The following RBFOX1 variants were observed in gnomAD, a reference collection of about 807,000 sequenced individuals.
RBFOX1 encodes RNA binding fox-1 homolog 1, also known as RNA binding protein fox-1 homolog 1.
A neutral mutation model predicts 57.7 loss-of-function variants in RBFOX1; 8 were observed. The observed-to-expected ratio is 0.14, with a 90% CI of 0.08 to 0.25. RBFOX1 has a LOEUF of 0.25. Ranked by LOEUF, RBFOX1 falls within the 10% of genes least tolerant of loss-of-function variation. The pLI, the probability that RBFOX1 is intolerant of heterozygous loss-of-function variation, is 1.00. For synonymous variants in RBFOX1, 326 were observed against 222.4 expected (o/e 1.47, Z -4.15); for missense variants, 611 against 548.5 (o/e 1.11, Z -1.14).
At chr16:7,526,465 T>C (rs1247212070) in intron 5 of RBFOX1, among the ~76,000 whole-genome samples, 2 of 152,180 alleles carry the variant, frequency 1.3e-5, no homozygotes, top group Non-Finnish European at 2.9e-5. Context: ...CTCTTATTTT[T>C]TCTATAACTC....
intron 4 of RBFOX1, among the ~76,000 whole-genome samples, chr16:5,974,072 T>C (rs1389723526): frequency 6.6e-6 from 1 of 152,208 alleles, no homozygotes; most frequent in African/African-American, 2.4e-5. Context: ...ATAATGCATA[T>C]GAAATGCAAT....
At chr16:7,345,882 G>A (rs1394711342) in intron 4 of RBFOX1, among the ~76,000 whole-genome samples, 3 of 151,952 alleles carry the variant, frequency 2.0e-5, no homozygotes, top group South Asian at 2.1e-4. Flanking sequence ...CAACGTGCAG[G>A]TTTGTTACAT....
chr16:7,034,912 G>C (rs770365029), intron 3 of RBFOX1, among the ~76,000 whole-genome samples: 23 of 128,666 alleles, frequency 1.8e-4, no homozygotes, highest in Non-Finnish European at 3.3e-4. Flanking sequence ...GCAGTGGCGT[G>C]ATCTCTGTTC....
chr16:6,625,343 C>G (rs879612160), intron 2 of RBFOX1, among the ~76,000 whole-genome samples: 1 of 152,012 alleles, frequency 6.6e-6, no homozygotes, highest in African/African-American at 2.4e-5. Flanking sequence ...TTCTTCATTC[C>G]TGTAACTCTG....
intron 3 of RBFOX1, among the ~76,000 whole-genome samples, chr16:6,891,837 T>C (rs1314590126): frequency 6.6e-6 from 1 of 152,196 alleles, no homozygotes; most frequent in Non-Finnish European, 1.5e-5. Context: ...TGGCATATGA[T>C]ACCATTATAG....
intron 4 of RBFOX1, among the ~76,000 whole-genome samples, chr16:7,463,042 A>T (rs914797376): frequency 6.6e-6 from 1 of 152,214 alleles, no homozygotes; most frequent in African/African-American, 2.4e-5. Flanking sequence ...TGGTTGGCTT[A>T]TCAACAACAG....
intron 1 of RBFOX1, among the ~76,000 whole-genome samples, chr16:6,102,549 TTCTC>T (rs56815401): frequency 6.6e-6 from 1 of 151,472 alleles, no homozygotes; most frequent in Admixed American, 6.6e-5. Context: ...TTCAGGATAA[TTCTC>T]TCTCTCTCTC....
At chr16:7,386,267 G>T (rs1254888067) in intron 4 of RBFOX1, among the ~76,000 whole-genome samples, 1 of 152,088 alleles carries the variant, frequency 6.6e-6, no homozygotes, top group Non-Finnish European at 1.5e-5. Context: ...CAGTTCTGGA[G>T]TACATGTGCA....
intron 3 of RBFOX1, among the ~76,000 whole-genome samples, chr16:5,718,952 T>C (rs1348010477): frequency 1.3e-5 from 2 of 149,276 alleles, no homozygotes; most frequent in African/African-American, 2.4e-5. Context: ...TTTCTGGCCT[T>C]ACTGCCTCCA....
chr16:6,785,879 C>T (rs115078172), intron 3 of RBFOX1, among the ~76,000 whole-genome samples: 5 of 152,170 alleles, frequency 3.3e-5, no homozygotes, highest in African/African-American at 1.2e-4. Flanking sequence ...TGATGCTGCT[C>T]CTCAGGCTCC....
chr16:5,684,233 G>C (rs1055105348), intron 3 of RBFOX1, among the ~76,000 whole-genome samples: 6 of 152,106 alleles, frequency 3.9e-5, no homozygotes, highest in African/African-American at 1.4e-4. Context: ...ATTGTAGGTT[G>C]GTATGCTCTC....
chr16:7,304,497 G>A (rs1156848853), intron 4 of RBFOX1: 4 of 985,162 alleles, frequency 4.1e-6, no homozygotes, highest in South Asian at 9.4e-5. Context: ...TAAGGCGCGC[G>A]TCTGCCCTCG....
intron 3 of RBFOX1, among the ~76,000 whole-genome samples, chr16:6,915,156 C>T (rs1033009990): frequency 6.6e-6 from 1 of 152,194 alleles, no homozygotes; most frequent in Non-Finnish European, 1.5e-5. Flanking sequence ...GACTCGGGGT[C>T]AAGGCACTGG....
chr16:6,858,738 T>C (rs1185406838), intron 3 of RBFOX1, among the ~76,000 whole-genome samples: 3 of 152,112 alleles, frequency 2.0e-5, no homozygotes, highest in Non-Finnish European at 4.4e-5. Context: ...TATGGAACAG[T>C]GTATACCAAA....
chr16:5,382,583 A>G (rs1016879545), intron 1 of RBFOX1, among the ~76,000 whole-genome samples: 12 of 152,120 alleles, frequency 7.9e-5, no homozygotes, highest in Admixed American at 3.9e-4. Context: ...TTGCTACCTT[A>G]GGTTTGACTA....
At chr16:6,294,187 A>G (rs888392027) in intron 1 of RBFOX1, among the ~76,000 whole-genome samples, 1 of 152,132 alleles carries the variant, frequency 6.6e-6, no homozygotes, top group African/African-American at 2.4e-5. Context: ...GTCTCTAAAG[A>G]AAACAAAAAT....
intron 3 of RBFOX1, among the ~76,000 whole-genome samples, chr16:6,725,342 C>T (rs553691574): frequency 1.8e-4 from 28 of 151,932 alleles, no homozygotes; most frequent in Admixed American, 7.9e-4. Flanking sequence ...TGAGCCACCG[C>T]GCCCGGCCGG....
intron 3 of RBFOX1, among the ~76,000 whole-genome samples, chr16:5,844,738 TA>T (rs778691920): frequency 5.3e-5 from 8 of 152,272 alleles, no homozygotes; most frequent in Admixed American, 6.5e-5. Context: ...TGAAGTGGAA[TA>T]AAAAGAGGGA....
chr16:6,102,577 C>T (rs1037436547), intron 1 of RBFOX1, among the ~76,000 whole-genome samples: 2 of 152,100 alleles, frequency 1.3e-5, no homozygotes, highest in African/African-American at 4.8e-5. Context: ...CCTCCCACCC[C>T]TTCCAGCAGC....
Sources: gnomAD v4.1 joint callset for allele counts (sites outside exome capture counted in the v4.1 genomes callset) on GRCh38, gnomAD v4.1.1 for gene constraint, MANE v1.5 for transcripts, NCBI Gene and HGNC (gene_info 2026-07-23, HGNC 2026-07-21) for gene names.